Variants in SLC15A1 observed in about 807,000 individuals in gnomAD.
SLC15A1 encodes Caco-2 oligopeptide transporter.
Under a neutral mutation model 92.9 loss-of-function variants are expected in SLC15A1, and 83 were observed. The observed-to-expected ratio is 0.89, with a 90% CI of 0.75 to 1.07. The LOEUF (loss-of-function observed/expected upper bound fraction) is 1.07. SLC15A1 is among the 50% of genes least tolerant of loss of function. The pLI is 0.00. For missense variants in SLC15A1, 857 were observed against 880.1 expected (o/e 0.97, Z 0.33); for synonymous variants, 322 against 318.2 (o/e 1.01, Z -0.13).
intron 17 of SLC15A1, among the ~76,000 whole-genome samples, chr13:98,702,967 C>CAAAAA (rs535486738): frequency 1.4e-4 from 11 of 77,664 alleles, no homozygotes; most frequent in South Asian, 5.0e-4. Flanking sequence ...GATCCTGTCT[C>CAAAAA]AAAAAAAAAA....
chr13:98,741,873 C>A (rs2088451000), intron 1 of SLC15A1, among the ~76,000 whole-genome samples: 1 of 152,208 alleles, frequency 6.6e-6, no homozygotes, highest in Non-Finnish European at 1.5e-5. Flanking sequence ...TTGCTCAAAG[C>A]AAATGAGGTA....
chr13:98,720,300 A>G (rs570412885), intron 7 of SLC15A1, among the ~76,000 whole-genome samples: 12 of 152,362 alleles, frequency 7.9e-5, no homozygotes, highest in African/African-American at 2.6e-4. Context: ...TTTGTAAGAG[A>G]GTCATGAACT....
chr13:98,716,237 C>T (rs2088210545), intron 8 of SLC15A1, among the ~76,000 whole-genome samples: 2 of 152,276 alleles, frequency 1.3e-5, no homozygotes, highest in South Asian at 4.1e-4. Context: ...TACACTCACA[C>T]AGCTATTTAA....
chr13:98,712,384 G>A, intron 10 of SLC15A1, 114 bp downstream of exon 10: 2 of 789,858 alleles, frequency 2.5e-6, no homozygotes, highest in Admixed American at 4.5e-5. Context: ...ATGCTGTAAA[G>A]GTTAGGAAGG....
intron 1 of SLC15A1, among the ~76,000 whole-genome samples, chr13:98,734,443 G>T (rs1187407914): frequency 1.3e-5 from 2 of 152,156 alleles, no homozygotes; most frequent in Non-Finnish European, 2.9e-5. Flanking sequence ...GACAGTGGGT[G>T]CAGCCACGGA....
chr13:98,731,902 AGCC>A (rs2088353384), intron 1 of SLC15A1, among the ~76,000 whole-genome samples: 1 of 152,226 alleles, frequency 6.6e-6, no homozygotes, highest in Non-Finnish European at 1.5e-5. Flanking sequence ...CTCAGTACCC[AGCC>A]ATTACCAAGA....
At chr13:98,716,314 T>C (rs1215607218) in intron 8 of SLC15A1, among the ~76,000 whole-genome samples, 2 of 152,168 alleles carry the variant, frequency 1.3e-5, no homozygotes, top group Admixed American at 6.5e-5. Context: ...CACATTAAAG[T>C]ACTATTCTAC....
At chr13:98,734,821 G>T (rs531561884) in intron 1 of SLC15A1, among the ~76,000 whole-genome samples, 45 of 152,192 alleles carry the variant, frequency 3.0e-4, no homozygotes, top group African/African-American at 1.0e-3. Flanking sequence ...CCAATAACAG[G>T]CTCTGAAATT....
At chr13:98,687,817 ACAT>A in intron 20 of SLC15A1, 93 bp from the exon 21 acceptor site, 4 of 1,422,802 alleles carry the variant, frequency 2.8e-6, no homozygotes, top group Non-Finnish European at 3.9e-6. Context: ...TTCTAGGATT[ACAT>A]CATATGATTT....
chr13:98,698,203 T>C (rs1189680982), intron 18 of SLC15A1, among the ~76,000 whole-genome samples: 4 of 152,346 alleles, frequency 2.6e-5, no homozygotes, highest in African/African-American at 7.2e-5. Flanking sequence ...TTTTCAAGGA[T>C]ATAAAGTAAC....
At chr13:98,718,478 C>A (rs2088229285) in intron 8 of SLC15A1, among the ~76,000 whole-genome samples, 1 of 151,472 alleles carries the variant, frequency 6.6e-6, no homozygotes, top group Admixed American at 6.6e-5. Context: ...AGCCACAGCA[C>A]CCAGCTAATT....
At chr13:98,714,777 A>C (rs1236949958) in intron 9 of SLC15A1, among the ~76,000 whole-genome samples, 1 of 148,948 alleles carries the variant, frequency 6.7e-6, no homozygotes, top group Non-Finnish European at 1.5e-5. Context: ...AGATTCACAC[A>C]TGTGATTTTT....
rs4772122 is a variant in SLC15A1 at position 98,688,772 on chromosome 13, C to G, written c.1467-195G>C. On this transcript the variant is annotated intron_variant, in intron 18 of 22. Transcript: ENST00000376503. ...CTGCTCACCCACTCATGAGAACACACCTAAAAGAATGTATTTAACAGTGTT... is the reference window on the plus strand; with the variant it reads ...CTGCTCACCCACTCATGAGAACACAGCTAAAAGAATGTATTTAACAGTGTT... Among the ~76,000 whole-genome samples the G allele has an allele frequency of 0.35, 53,380 of 152,030 alleles. 12,093 individuals are homozygous for G. Among genetic ancestry groups the G allele is most frequent in the Non-Finnish European group, 0.52 (35,109 of 67,970 alleles).
intron 1 of SLC15A1, among the ~76,000 whole-genome samples, chr13:98,741,085 G>A (rs2088440023): frequency 6.6e-6 from 1 of 152,112 alleles, no homozygotes; most frequent in African/African-American, 2.4e-5. Context: ...CCAGCATTCT[G>A]GTGTGGATTA....
rs781419751 is a variant in SLC15A1, at chr13:98,684,269, C to T, written c.*455G>A. On this transcript the variant is annotated 3_prime_UTR_variant, in exon 23 of 23. Transcript: ENST00000376503. ...CTGCTTAGAAAATAGCGTTCACGGC[C>T]GGGCGCGGTAGCTCAAGCCTGTAAT... 3 of 155,892 alleles carry T rather than the reference C, an allele frequency of 1.9e-5. No homozygotes were observed. Among genetic ancestry groups the T allele is most frequent in the Non-Finnish European group, 2.8e-5 (2 of 70,286 alleles). 9.7% of individuals were successfully genotyped at this position (155,892 alleles called of 1,614,324 possible).
At chr13:98,728,761 G>A (rs1370350027) in intron 1 of SLC15A1, among the ~76,000 whole-genome samples, 3 of 151,644 alleles carry the variant, frequency 2.0e-5, no homozygotes, top group Non-Finnish European at 4.4e-5. Context: ...TAGGCGGATC[G>A]CTTCAGGTCA....
chr13:98,712,661 C>A (rs1352138649), intron 9 of SLC15A1, 77 bp from the exon 10 acceptor site: 3 of 1,026,324 alleles, frequency 2.9e-6, no homozygotes, highest in Non-Finnish European at 4.5e-6. Context: ...AATTAAACTA[C>A]CTTTAGGAGA....
In SLC15A1 at chr13:98,706,259, CA is replaced by C. The variant is rs749902087; in HGVS notation, c.1150-7del. The stretch of plus-strand genomic sequence containing the variant: ...GGGAAGACTGGAAGAGTTTTCTGAG[CA>C]AAATAAAAGAAAATTGGCAGTGAGG... On this transcript the variant is annotated splice_polypyrimidine_tract_variant and splice_region_variant and intron_variant, in intron 15 of 22. Coordinates refer to ENST00000376503, the MANE Select transcript of SLC15A1 (RefSeq NM_005073.4). 2.4e-5 allele frequency: 39 copies of C among 1,610,362 alleles called. No individual in the cohort carries two copies. The highest frequency in any genetic ancestry group is 3.1e-5 in the Non-Finnish European group (37 of 1,178,760).
At chr13:98,687,917 C>A (rs1038424760) in intron 20 of SLC15A1, among the ~76,000 whole-genome samples, 193 bp from the exon 21 acceptor site, 4 of 152,142 alleles carry the variant, frequency 2.6e-5, no homozygotes, top group African/African-American at 2.4e-5. Context: ...GAGGATTTTT[C>A]TTTTAGATAA....
Sources: allele counts gnomAD v4.1 joint callset (sites outside exome capture counted in the v4.1 genomes callset), GRCh38; gene constraint gnomAD v4.1.1; transcripts MANE v1.5; gene names NCBI Gene and HGNC (gene_info 2026-07-23, HGNC 2026-07-21).